The following CNTN5 variants were observed in gnomAD, a reference collection of about 807,000 sequenced individuals.
The protein encoded by CNTN5 is contactin-5.
A neutral mutation model predicts 129.1 loss-of-function variants in CNTN5; 77 were observed. The observed-to-expected ratio is 0.60, with a 90% CI of 0.50 to 0.72. CNTN5 has a LOEUF of 0.72. CNTN5 is among the 30% of genes least tolerant of loss of function. The probability of loss-of-function intolerance (pLI) is 0.00; values close to 1 mark genes in which losing one functional copy is unlikely to be tolerated. For synonymous variants in CNTN5, 509 were observed against 465.6 expected (o/e 1.09, Z -1.20); for missense variants, 1,478 against 1,328.8 (o/e 1.11, Z -1.75).
chr11:99,337,645 C>G (rs566917341), intron 2 of CNTN5, among the ~76,000 whole-genome samples: 1 of 152,242 alleles, frequency 6.6e-6, no homozygotes, highest in Non-Finnish European at 1.5e-5. Flanking sequence ...CGATTATGGA[C>G]ATGTTACATT....
intron 6 of CNTN5, among the ~76,000 whole-genome samples, chr11:99,896,658 A>G (rs1949214869): frequency 6.6e-6 from 1 of 152,152 alleles, no homozygotes; most frequent in South Asian, 2.1e-4. Flanking sequence ...TGTTGCTTCC[A>G]TTGATTCTGC....
intron 1 of CNTN5, among the ~76,000 whole-genome samples, chr11:99,233,525 C>T (rs1745174846): frequency 6.6e-6 from 1 of 152,090 alleles, no homozygotes; most frequent in Admixed American, 6.6e-5. Flanking sequence ...GGTGACGTTT[C>T]TTGATTCTTG....
intron 13 of CNTN5, among the ~76,000 whole-genome samples, chr11:100,100,894 G>C (rs1945198580): frequency 6.6e-6 from 1 of 152,008 alleles, no homozygotes; most frequent in Non-Finnish European, 1.5e-5. Flanking sequence ...TTCTGAAATA[G>C]GTAAGTCTAA....
chr11:99,614,406 C>T (rs1950693332), intron 3 of CNTN5, among the ~76,000 whole-genome samples: 1 of 152,218 alleles, frequency 6.6e-6, no homozygotes, highest in East Asian at 1.9e-4. Context: ...CATTGCACCA[C>T]GAGTGGAGGG....
chr11:99,558,377 G>A (rs1456716778), intron 3 of CNTN5: 5 of 280,638 alleles, frequency 1.8e-5, no homozygotes, highest in African/African-American at 9.0e-5. Context: ...TTGTGTGTAT[G>A]TTTTTTGTTG....
intron 20 of CNTN5, among the ~76,000 whole-genome samples, chr11:100,300,823 G>A (rs1951201924): frequency 6.6e-6 from 1 of 151,540 alleles, no homozygotes; most frequent in African/African-American, 2.4e-5. Flanking sequence ...GATTTCTGAT[G>A]TGTTTTCAGA....
chr11:100,342,427 G>T (rs1362884571), intron 23 of CNTN5, among the ~76,000 whole-genome samples: 1 of 152,104 alleles, frequency 6.6e-6, no homozygotes, highest in African/African-American at 2.4e-5. Flanking sequence ...ATCCCAAACT[G>T]GAGAGGCAAA....
At chr11:100,346,881 C>T (rs184334904) in intron 23 of CNTN5, among the ~76,000 whole-genome samples, 202 of 152,178 alleles carry the variant, frequency 1.3e-3, no homozygotes, top group African/African-American at 4.1e-3. Context: ...AGAGGCCTCA[C>T]GATCACGGCG....
At chr11:99,785,515 T>G (rs1945487999) in intron 3 of CNTN5, among the ~76,000 whole-genome samples, 1 of 151,842 alleles carries the variant, frequency 6.6e-6, no homozygotes, top group South Asian at 2.1e-4. Flanking sequence ...GTTTTCATCC[T>G]TATACCAAAA....
At chr11:99,195,621 G>T (rs561239769) in intron 1 of CNTN5, among the ~76,000 whole-genome samples, 39 of 151,612 alleles carry the variant, frequency 2.6e-4, no homozygotes, top group African/African-American at 9.4e-4. Flanking sequence ...CCTTTTCTAG[G>T]AATTACCTAT....
intron 6 of CNTN5, among the ~76,000 whole-genome samples, chr11:99,889,877 G>C (rs957115306): frequency 6.6e-6 from 1 of 152,042 alleles, no homozygotes; most frequent in Admixed American, 6.6e-5. Context: ...AAATACTATT[G>C]AGGTGTTTTT....
intron 1 of CNTN5, among the ~76,000 whole-genome samples, chr11:99,130,523 G>T (rs4542376): frequency 0.9 from 137,521 of 152,200 alleles, 62,317 homozygotes; most frequent in East Asian, 0.99. Flanking sequence ...GTGGGAGAAT[G>T]TAATGCCCTA....
At chr11:99,398,539 T>G (rs910451876) in intron 2 of CNTN5, among the ~76,000 whole-genome samples, 32 of 151,970 alleles carry the variant, frequency 2.1e-4, no homozygotes, top group African/African-American at 7.5e-4. Context: ...TCAAAACCCC[T>G]GGGAATCACT....
At chr11:99,619,181 T>TC (rs1555049552) in intron 3 of CNTN5, among the ~76,000 whole-genome samples, 1 of 151,798 alleles carries the variant, frequency 6.6e-6, no homozygotes, top group Admixed American at 6.6e-5. Context: ...AGTTTTTTGT[T>TC]AAAACAAAAA....
At chr11:100,270,072 T>G (rs1333841120) in intron 17 of CNTN5, among the ~76,000 whole-genome samples, 3 of 152,178 alleles carry the variant, frequency 2.0e-5, no homozygotes, top group African/African-American at 4.8e-5. Context: ...TGTTTGTTTG[T>G]TTTTTTCCAT....
At chr11:100,180,204 G>T (rs563451697) in intron 13 of CNTN5, among the ~76,000 whole-genome samples, 2 of 151,950 alleles carry the variant, frequency 1.3e-5, no homozygotes, top group Non-Finnish European at 2.9e-5. Flanking sequence ...TATTTTTCCC[G>T]ATTTAAGGAT....
At chr11:99,255,240 A>G (rs1225768083) in intron 1 of CNTN5, among the ~76,000 whole-genome samples, 1 of 151,890 alleles carries the variant, frequency 6.6e-6, no homozygotes, top group Non-Finnish European at 1.5e-5. Context: ...GATTATTTTT[A>G]AAATATATCC....
At chr11:99,730,127 T>A (rs889540823) in intron 3 of CNTN5, among the ~76,000 whole-genome samples, 1 of 152,168 alleles carries the variant, frequency 6.6e-6, no homozygotes, top group Non-Finnish European at 1.5e-5. Context: ...ACCTAGCACA[T>A]ACCTGCCATC....
At position 99,844,833 on chromosome 11, in the gene CNTN5, G is replaced by C. The variant is rs774129068; in HGVS notation, c.278-19G>C. The C allele has an allele frequency of 6.3e-7, 1 of 1,593,694 alleles. No individual in the cohort carries two copies. The highest frequency in any genetic ancestry group is 8.5e-7 in the Non-Finnish European group (1 of 1,170,626). ...GCTAGTTTAAGGAAATTTAAAATGT[G>C]TCTGTTTTGTCTTTACAGAAAGTGT... On this transcript the variant is annotated intron_variant, in intron 4 of 24. Coordinates refer to ENST00000524871, the MANE Select transcript of CNTN5 (RefSeq NM_014361.4).
Sources: allele counts gnomAD v4.1 joint callset (sites outside exome capture counted in the v4.1 genomes callset), GRCh38; gene constraint gnomAD v4.1.1; transcripts MANE v1.5; gene names NCBI Gene and HGNC (gene_info 2026-07-23, HGNC 2026-07-21).